Variants in AKR1C8 observed in about 807,000 individuals in gnomAD.
AKR1C8 encodes the protein aldo-keto reductase family 1 member C8.
At chr10:5,161,791 TAA>T in the AKR1C8 span, 2 of 534,616 alleles carry the variant, frequency 3.7e-6, no homozygotes, top group Non-Finnish European at 7.7e-6. Flanking sequence ...TAGAATTAGA[TAA>T]TTCAGATGCT....
chr10:5,154,304 G>A, the AKR1C8 span: 16 of 399,692 alleles, frequency 4.0e-5, no homozygotes, highest in African/African-American at 6.2e-5. Flanking sequence ...CTTGTACCTC[G>A]GCACACATGG....
chr10:5,178,536 T>G, the AKR1C8 span, among the ~76,000 whole-genome samples: 113 of 152,198 alleles, frequency 7.4e-4, no homozygotes, highest in African/African-American at 2.6e-3. Flanking sequence ...GGGTATCCTT[T>G]TTAACTTTCT....
chr10:5,170,179 G>A, the AKR1C8 span, among the ~76,000 whole-genome samples: 4 of 152,006 alleles, frequency 2.6e-5, no homozygotes, highest in Non-Finnish European at 4.4e-5. Context: ...TGAAACATCT[G>A]GTTTTCGGTT....
the AKR1C8 span, among the ~76,000 whole-genome samples, chr10:5,137,428 T>C: frequency 6.6e-6 from 1 of 152,032 alleles, no homozygotes; most frequent in African/African-American, 2.4e-5. Context: ...ATCCCTGGGA[T>C]GCAAGACTGG....
the AKR1C8 span, among the ~76,000 whole-genome samples, chr10:5,166,137 T>G: frequency 6.6e-6 from 1 of 152,068 alleles, no homozygotes; most frequent in African/African-American, 2.4e-5. Flanking sequence ...CAGCCTGCAC[T>G]CTTCTCAAGT....
At chr10:5,156,496 A>T in the AKR1C8 span, among the ~76,000 whole-genome samples, 1 of 151,602 alleles carries the variant, frequency 6.6e-6, no homozygotes, top group South Asian at 2.1e-4. Context: ...TCATTATGTG[A>T]TCCAGGACAC....
chr10:5,127,494 G>A, the AKR1C8 span, among the ~76,000 whole-genome samples: 1 of 152,178 alleles, frequency 6.6e-6, no homozygotes, highest in East Asian at 1.9e-4. Context: ...CAAGCTGGGT[G>A]AATCACTTGA....
chr10:5,159,171 C>CA, the AKR1C8 span, among the ~76,000 whole-genome samples: 1 of 151,904 alleles, frequency 6.6e-6, no homozygotes, highest in Non-Finnish European at 1.5e-5. Context: ...ACTTGAGCAT[C>CA]AAAAAAATAG....
chr10:5,157,739 G>A, the AKR1C8 span: 350 of 472,304 alleles, frequency 7.4e-4, 1 homozygote, highest in African/African-American at 5.7e-3. Flanking sequence ...CTTCCACTGT[G>A]TTTCTTGGCA....
At chr10:5,134,776 T>G in the AKR1C8 span, among the ~76,000 whole-genome samples, 5 of 152,146 alleles carry the variant, frequency 3.3e-5, no homozygotes, top group Admixed American at 6.6e-5. Flanking sequence ...AACAAACAAT[T>G]TCTTCAATTA....
At chr10:5,161,741 T>G in the AKR1C8 span, 2 of 534,660 alleles carry the variant, frequency 3.7e-6, no homozygotes, top group Admixed American at 3.9e-5. Flanking sequence ...TGCACCTCAC[T>G]CAAATCTGCC....
At chr10:5,115,908 G>A in the AKR1C8 span, among the ~76,000 whole-genome samples, 4 of 151,990 alleles carry the variant, frequency 2.6e-5, no homozygotes, top group African/African-American at 9.7e-5. Flanking sequence ...TTCTGCAGTT[G>A]GTCACATGGT....
At chr10:5,155,609 T>C in the AKR1C8 span, 1 of 394,516 alleles carries the variant, frequency 2.5e-6, no homozygotes, top group South Asian at 2.0e-5. Flanking sequence ...GTAGGGAAGA[T>C]GTGTTCCCCA....
At chr10:5,163,098 C>G in the AKR1C8 span, 2 of 442,298 alleles carry the variant, frequency 4.5e-6, no homozygotes, top group Non-Finnish European at 9.4e-6. Flanking sequence ...AGCATTTTCA[C>G]TGTCGGTTTC....
chr10:5,158,006 G>A, the AKR1C8 span, among the ~76,000 whole-genome samples: 1 of 152,136 alleles, frequency 6.6e-6, no homozygotes, highest in African/African-American at 2.4e-5. Flanking sequence ...ACAGGTGAAT[G>A]GATAAACAAG....
At chr10:5,128,720 C>G in the AKR1C8 span, among the ~76,000 whole-genome samples, 1 of 151,822 alleles carries the variant, frequency 6.6e-6, no homozygotes, top group Admixed American at 6.6e-5. Flanking sequence ...ATAAAAGAAT[C>G]AATCCAGCAA....
the AKR1C8 span, chr10:5,132,866 C>A: frequency 1.8e-6 from 1 of 557,442 alleles, no homozygotes; most frequent in South Asian, 2.3e-5. Context: ...ATTATTCTTG[C>A]ATCTTGGGTT....
At chr10:5,162,187 G>A in the AKR1C8 span, among the ~76,000 whole-genome samples, 1 of 152,156 alleles carries the variant, frequency 6.6e-6, no homozygotes, top group Non-Finnish European at 1.5e-5. Context: ...AAACTGTGAA[G>A]AAAACTGTGA....
chr10:5,131,868 G>T, the AKR1C8 span, among the ~76,000 whole-genome samples: 8 of 151,982 alleles, frequency 5.3e-5, no homozygotes, highest in Non-Finnish European at 8.8e-5. Flanking sequence ...AAGCTTGCAT[G>T]AAAAAGACAC....
Sources: allele counts gnomAD v4.1 joint callset (sites outside exome capture counted in the v4.1 genomes callset), GRCh38; gene constraint gnomAD v4.1.1; transcripts MANE v1.5; gene names NCBI Gene and HGNC (gene_info 2026-07-23, HGNC 2026-07-21).